The following PDE1C variants were observed in gnomAD, a reference collection of about 807,000 sequenced individuals.
PDE1C encodes dual specificity calcium/calmodulin-dependent 3',5'-cyclic nucleotide phosphodiesterase 1C.
A neutral mutation model predicts 93.1 loss-of-function variants in PDE1C; 62 were observed. That is an observed-to-expected ratio of 0.67 (90% CI 0.54 to 0.82). The LOEUF is 0.82. Ranked by LOEUF, PDE1C falls within the 40% of genes least tolerant of loss-of-function variation. PDE1C has a pLI of 0.00. For synonymous variants in PDE1C, 325 were observed against 310.1 expected, an observed-to-expected ratio of 1.05 and a Z score of -0.50; for missense variants, 742 against 884.6, an observed-to-expected ratio of 0.84 and a Z score of 2.04.
chr7:32,002,137 T>A (rs185957407), intron 2 of PDE1C, among the ~76,000 whole-genome samples: 1 of 152,310 alleles, frequency 6.6e-6, no homozygotes, highest in African/African-American at 2.4e-5. Flanking sequence ...CAGTGGGAAC[T>A]ACTAAGATGT....
intron 2 of PDE1C, among the ~76,000 whole-genome samples, chr7:31,943,545 C>T (rs1450645731): frequency 6.6e-6 from 1 of 152,114 alleles, no homozygotes; most frequent in Non-Finnish European, 1.5e-5. Context: ...TTTCTTCCAA[C>T]CTAACATTGT....
downstream of PDE1C, among the ~76,000 whole-genome samples, chr7:31,748,844 A>C (rs1794059267): frequency 6.6e-6 from 1 of 152,216 alleles, no homozygotes; most frequent in Non-Finnish European, 1.5e-5. Context: ...AACTCTCAAT[A>C]AATCAGCATG....
chr7:31,812,774 T>C (rs536926295), intron 15 of PDE1C, among the ~76,000 whole-genome samples: 3 of 152,248 alleles, frequency 2.0e-5, no homozygotes, highest in Non-Finnish European at 2.9e-5. Context: ...AATAAGTATA[T>C]TGTAAGCCTC....
At chr7:32,375,360 G>A (rs926195602) in intron 1 of PDE1C, among the ~76,000 whole-genome samples, 8 of 152,100 alleles carry the variant, frequency 5.3e-5, no homozygotes, top group Admixed American at 2.6e-4. Flanking sequence ...GATTAACGCC[G>A]GGAGTGCAAA....
At chr7:32,276,364 T>G (rs560306678) in intron 1 of PDE1C, among the ~76,000 whole-genome samples, 1 of 152,304 alleles carries the variant, frequency 6.6e-6, no homozygotes, top group African/African-American at 2.4e-5. Context: ...TAATCATGAC[T>G]CAGAAAACAA....
At chr7:32,112,830 G>A (rs1199360034) in intron 3 of PDE1C, among the ~76,000 whole-genome samples, 5 of 58,924 alleles carry the variant, frequency 8.5e-5, no homozygotes, top group Admixed American at 6.4e-4. Flanking sequence ...GTGTGTGTGT[G>A]TGTGTGTGTG....
At chr7:32,010,646 T>C (rs1030035321) in intron 2 of PDE1C, among the ~76,000 whole-genome samples, 3 of 152,194 alleles carry the variant, frequency 2.0e-5, no homozygotes, top group African/African-American at 4.8e-5. Flanking sequence ...CAGAAATTTA[T>C]TGTCTTACAA....
intron 1 of PDE1C, among the ~76,000 whole-genome samples, chr7:32,341,013 T>C (rs1038694862): frequency 2.6e-5 from 4 of 151,858 alleles, no homozygotes; most frequent in African/African-American, 4.8e-5. Context: ...TGGGTGATAA[T>C]GATGTGTCCA....
chr7:32,379,184 A>C (rs1200195694), intron 1 of PDE1C, among the ~76,000 whole-genome samples: 1 of 151,876 alleles, frequency 6.6e-6, no homozygotes, highest in Non-Finnish European at 1.5e-5. Flanking sequence ...TGTTCTCCCC[A>C]CTCACTGTAC....
chr7:32,073,597 A>T (rs890942264), upstream of PDE1C, among the ~76,000 whole-genome samples: 1 of 152,192 alleles, frequency 6.6e-6, no homozygotes, highest in African/African-American at 2.4e-5. Context: ...GAGAAAACTG[A>T]GGCCAAAATA....
chr7:32,004,376 C>T (rs980652881), intron 2 of PDE1C, among the ~76,000 whole-genome samples: 1 of 152,066 alleles, frequency 6.6e-6, no homozygotes, highest in African/African-American at 2.4e-5. Flanking sequence ...AAAAGGTAAC[C>T]AAGGGGTCCA....
At chr7:31,893,552 A>G in intron 2 of PDE1C, 5 of 935,596 alleles carry the variant, frequency 5.3e-6, no homozygotes, top group Non-Finnish European at 6.4e-6. Flanking sequence ...TTTCACTTTT[A>G]GTTCTATTAA....
chr7:32,075,990 C>A (rs1236449561), upstream of PDE1C, among the ~76,000 whole-genome samples: 1 of 152,148 alleles, frequency 6.6e-6, no homozygotes, highest in African/African-American at 2.4e-5. Flanking sequence ...CCAATGCTCA[C>A]ATACCCTAAT....
intron 1 of PDE1C, among the ~76,000 whole-genome samples, chr7:32,420,289 A>G (rs1475580035): frequency 3.3e-5 from 1 of 30,258 alleles, no homozygotes; most frequent in African/African-American, 1.1e-4. Context: ...ATACATGTGT[A>G]TATATATGTG....
chr7:31,753,488 C>T lies in PDE1C; in HGVS notation c.2026G>A (p.Val676Ile), dbSNP rs1794239885. Residue 676 changes from valine (V) to isoleucine (I), a missense_variant, in exon 18 of 18, where the codon GTC (valine) becomes ATC (isoleucine). Val to Ile is a conservative substitution (Grantham distance 29). Transcript: ENST00000396191. Reference protein sequence around the residue: ...AYASSSYAPSVSKKTDEHPAR... With the variant: ...AYASSSYAPSISKKTDEHPAR... ...GGATGCTCATCAGTTTTCTTTGAGA[C>T]TGAAGGTGCATAGGAGCTAGATGCG... is the stretch of plus-strand genomic sequence containing the variant. 6.2e-7 allele frequency: 1 copy of T among 1,612,392 alleles called. No homozygotes were observed. The highest frequency in any genetic ancestry group is 8.5e-7 in the Non-Finnish European group (1 of 1,179,708).
intron 16 of PDE1C, among the ~76,000 whole-genome samples, chr7:31,802,199 T>C (rs975427632): frequency 6.6e-6 from 1 of 151,526 alleles, no homozygotes; most frequent in Admixed American, 6.6e-5. Context: ...TTTCATTTTA[T>C]CTGTTGCTGG....
intron 1 of PDE1C, among the ~76,000 whole-genome samples, chr7:32,341,194 GAGAC>G (rs1783744705): frequency 5.4e-4 from 3 of 5,586 alleles, no homozygotes; most frequent in African/African-American, 9.8e-4. Flanking sequence ...TTTTTTTTTT[GAGAC>G]GGAGTCTCGC....
At chr7:31,853,154 C>T (rs1031213579) in intron 7 of PDE1C, among the ~76,000 whole-genome samples, 1 of 152,012 alleles carries the variant, frequency 6.6e-6, no homozygotes, top group African/African-American at 2.4e-5. Flanking sequence ...GAACAAAATC[C>T]TATCTTAGAT....
chr7:31,662,228 C>T, the PDE1C span, among the ~76,000 whole-genome samples: 1 of 152,148 alleles, frequency 6.6e-6, no homozygotes. Flanking sequence ...CAGAAGAACC[C>T]AATATCCGCT....
Sources: gnomAD v4.1 joint callset for allele counts (sites outside exome capture counted in the v4.1 genomes callset) on GRCh38, gnomAD v4.1.1 for gene constraint, MANE v1.5 for transcripts, NCBI Gene and HGNC (gene_info 2026-07-23, HGNC 2026-07-21) for gene names.